C14orf119: variants seen among roughly 807,000 people sequenced by gnomAD.
C14orf119 encodes uncharacterized protein C14orf119.
C14orf119 carries 17 observed loss-of-function variants against 13.5 expected under a neutral mutation model. That is an observed-to-expected ratio of 1.26 (90% CI 0.86 to 1.88). C14orf119 has a LOEUF of 1.88. C14orf119 is among the 40% of genes most tolerant of loss of function. C14orf119 has a pLI of 0.00. For missense variants in C14orf119, 162 were observed against 165.9 expected (o/e 0.98, Z 0.13); for synonymous variants, 61 against 61.9 (o/e 0.99, Z 0.07).
chr14:23,097,155 G>C (rs533692743), intron 1 of C14orf119, among the ~76,000 whole-genome samples: 3 of 129,202 alleles, frequency 2.3e-5, no homozygotes, highest in Non-Finnish European at 3.5e-5. Context: ...CACATTGAAG[G>C]CTCTTTCATC....
intron 1 of C14orf119, among the ~76,000 whole-genome samples, chr14:23,097,241 C>A (rs186767986): frequency 6.6e-6 from 1 of 152,200 alleles, no homozygotes; most frequent in Non-Finnish European, 1.5e-5. Flanking sequence ...ACCAGCTGCA[C>A]GTACTAGATT....
At position 23,100,311 on chromosome 14, in the gene C14orf119, T is replaced by G; in HGVS notation, c.*2230T>G. The G allele has an allele frequency of 2.5e-6, 1 of 400,532 alleles. No individual in the cohort carries two copies. Among genetic ancestry groups the G allele is most frequent in the African/African-American group, 2.1e-5 (1 of 48,326 alleles). The allele number at this position is 400,532 out of a possible 1,614,324, so 24.8% of individuals were successfully genotyped here. A position where few individuals can be genotyped will look rare whatever the true frequency, so the allele number is the denominator to read the frequency against. ...GACTAAGATCCCTATGTCCTAGAGA[T>G]GGGGGAATGTGTTATTGTATGGGAG... On this transcript the variant is annotated 3_prime_UTR_variant, in exon 2 of 2. Transcript: ENST00000319074.
Position 23,098,107 on chromosome 14 carries a change from C to G in C14orf119, c.*26C>G. 1.3e-6 allele frequency: 2 copies of G among 1,598,030 alleles called. No homozygotes were observed. The highest frequency in any genetic ancestry group is 1.7e-6 in the Non-Finnish European group (2 of 1,169,836). On this transcript the variant is annotated 3_prime_UTR_variant, in exon 2 of 2. Transcript: ENST00000319074. The stretch of plus-strand genomic sequence containing the variant: ...TAGGCATTCAGACCAAAGAAGATAA[C>G]CATAGCTGATGGAGCCATGACTCTC...
Position 23,099,616 on chromosome 14 carries a change from G to A in C14orf119, c.*1535G>A, listed in dbSNP as rs1401284917. 2 of 383,736 alleles carry A rather than the reference G, an allele frequency of 5.2e-6. No individual in the cohort carries two copies. The highest frequency in any genetic ancestry group is 4.4e-5 in the African/African-American group (2 of 45,750). 23.8% of individuals were successfully genotyped at this position (383,736 alleles called of 1,614,324 possible). A position where few individuals can be genotyped will look rare whatever the true frequency, so the allele number is the denominator to read the frequency against. On this transcript the variant is annotated 3_prime_UTR_variant, in exon 2 of 2. Transcript: ENST00000319074. ...GGTCTGTTGCCCAGGCTGGAGTGCA[G>A]TGGTGTGATCTTGGCTCACCGTAAT... is the stretch of plus-strand genomic sequence containing the variant.
At position 23,098,535 on chromosome 14, in the gene C14orf119, G is replaced by A. The variant is rs1004235853; in HGVS notation, c.*454G>A. 6 of 181,360 alleles carry A rather than the reference G, an allele frequency of 3.3e-5. No individual in the cohort carries two copies. Among genetic ancestry groups the A allele is most frequent in the African/African-American group, 1.4e-4 (6 of 41,810 alleles). The allele number at this position is 181,360 out of a possible 1,614,324, so 11.2% of individuals were successfully genotyped here. On this transcript the variant is annotated 3_prime_UTR_variant, in exon 2 of 2. Transcript: ENST00000319074. ...TTTACCACTCCTATCAGATTGTAGTGTAATTGTGTGATACGCAAACCATTA... is the reference window on the plus strand; with the variant it reads ...TTTACCACTCCTATCAGATTGTAGTATAATTGTGTGATACGCAAACCATTA...
chr14:23,099,216 T>G lies in C14orf119; in HGVS notation c.*1135T>G. 2.4e-6 allele frequency: 1 copy of G among 413,072 alleles called. No individual in the cohort carries two copies. Among genetic ancestry groups the G allele is most frequent in the Non-Finnish European group, 4.4e-6 (1 of 226,088 alleles). 25.6% of individuals were successfully genotyped at this position (413,072 alleles called of 1,614,324 possible). ...GTAGAAATTAAGTATACACAATAGATTTTCCATCCAGTTGTCTCACAAGAA... is the reference window on the plus strand; with the variant it reads ...GTAGAAATTAAGTATACACAATAGAGTTTCCATCCAGTTGTCTCACAAGAA... On this transcript the variant is annotated 3_prime_UTR_variant, in exon 2 of 2. Transcript: ENST00000319074.
Position 23,095,531 on chromosome 14 carries a change from G to C in C14orf119, c.-90G>C, listed in dbSNP as rs1400811230. 1 of 516,416 alleles carries C rather than the reference G, an allele frequency of 1.9e-6. No individual in the cohort carries two copies. The highest frequency in any genetic ancestry group is 3.8e-5 in the Admixed American group (1 of 26,570). The allele number at this position is 516,416 out of a possible 1,614,324, so 32.0% of individuals were successfully genotyped here. ...TGGGCTGCCGGGCTGGCCCAGCTTA[G>C]GGTTTTCAGGAAATTTGGAAGCTGC... On this transcript the variant is annotated 5_prime_UTR_variant, in exon 1 of 2. Transcript: ENST00000319074.
chr14:23,096,549 T>C (rs1442072664), intron 1 of C14orf119, among the ~76,000 whole-genome samples: 3 of 127,338 alleles, frequency 2.4e-5, no homozygotes, highest in South Asian at 5.1e-4. Flanking sequence ...AAGGCACCAA[T>C]AGATACCATA....
rs538913502 is a variant in C14orf119 at position 23,097,738 on chromosome 14, C to T, written c.80C>T (p.Ser27Phe). The T allele has an allele frequency of 1.9e-6, 3 of 1,613,912 alleles. No homozygotes were observed. The highest frequency in any genetic ancestry group is 3.3e-5 in the Admixed American group (2 of 59,994). Residue 27 changes from serine (S) to phenylalanine (F), a missense_variant, in exon 2 of 2, where the codon TCC (serine) becomes TTC (phenylalanine). Ser to Phe is a radical substitution (Grantham distance 155). Coordinates refer to ENST00000319074, the MANE Select transcript of C14orf119 (RefSeq NM_017924.4). ...LPSVPHNTNPSPPLMSYITSQ... is the reference protein window; with the variant it reads ...LPSVPHNTNPFPPLMSYITSQ... ...TCAGTACCACACAATACTAACCCTT[C>T]CCCTCCTCTGATGTCTTACATCACC...
rs1326793291 is a variant in C14orf119 at position 23,095,514 on chromosome 14, C to T, written c.-107C>T. The stretch of plus-strand genomic sequence containing the variant: ...CCGAGGCCGGAAGTGCGTGGGCTGC[C>T]GGGCTGGCCCAGCTTAGGGTTTTCA... On this transcript the variant is annotated 5_prime_UTR_variant, in exon 1 of 2. Coordinates refer to ENST00000319074, the MANE Select transcript of C14orf119 (RefSeq NM_017924.4). 7.0e-6 allele frequency: 4 copies of T among 569,490 alleles called. No homozygotes were observed. Among genetic ancestry groups the T allele is most frequent in the South Asian group, 2.4e-5 (1 of 42,048 alleles). 35.3% of individuals were successfully genotyped at this position (569,490 alleles called of 1,614,324 possible).
chr14:23,096,883 C>T (rs907983931), intron 1 of C14orf119, among the ~76,000 whole-genome samples: 10 of 152,088 alleles, frequency 6.6e-5, no homozygotes, highest in Admixed American at 1.3e-4. Flanking sequence ...CGCGTCTGGC[C>T]CATACTAAAT....
chr14:23,096,497 A>G (rs2048374655), intron 1 of C14orf119, among the ~76,000 whole-genome samples: 1 of 131,620 alleles, frequency 7.6e-6, no homozygotes, highest in Non-Finnish European at 1.6e-5. Context: ...TGACAGAGCA[A>G]GACTCCGTCT....
In C14orf119 at chr14:23,097,815, C is replaced by T. The variant is rs757471175; in HGVS notation, c.157C>T (p.Gln53Ter). Reference sequence around the variant, plus strand: ...CTGGTTTGCCAATTGGTCAGGTCCCCAGCGTGAACGTTTCCTAGAGGACCT... The same window carrying T: ...CTGGTTTGCCAATTGGTCAGGTCCCTAGCGTGAACGTTTCCTAGAGGACCT... ...LHWFANWSGP[Q>*]RERFLEDLVA... The change falls in exon 2 of 2, where the codon CAG becomes TAG. Residue 53 changes from glutamine (Q) to a stop codon, truncating the protein, a stop_gained. Coordinates refer to ENST00000319074, the MANE Select transcript of C14orf119 (RefSeq NM_017924.4). LOFTEE classifies it high-confidence loss of function. 18 of 1,614,198 alleles carry T rather than the reference C, an allele frequency of 1.1e-5. No individual in the cohort carries two copies. The highest frequency in any genetic ancestry group is 1.5e-5 in the Non-Finnish European group (18 of 1,180,034).
Position 23,097,915 on chromosome 14 carries a change from AC to A in C14orf119, c.259del (p.Arg87AspfsTer63). On this transcript the variant is annotated frameshift_variant, in exon 2 of 2. Coordinates refer to ENST00000319074, the MANE Select transcript of C14orf119 (RefSeq NM_017924.4). LOFTEE classifies it high-confidence loss of function. ...GAGCAGCTTAGTGTGTCTGGGGCAG[AC>A]CGACCACCTTCTATCTTTGAGTGCC... The part of the protein sequence containing the change: ...SLEQLSVSGA[D>X]RPPSIFECQL... The A allele has an allele frequency of 6.2e-7, 1 of 1,614,130 alleles. No homozygotes were observed. The highest frequency in any genetic ancestry group is 8.5e-7 in the Non-Finnish European group (1 of 1,179,976).
Position 23,098,791 on chromosome 14 carries a change from A to G in C14orf119, c.*710A>G, listed in dbSNP as rs879129704. 6.2e-6 allele frequency: 1 copy of G among 162,216 alleles called. No homozygotes were observed. Among genetic ancestry groups the G allele is most frequent in the South Asian group, 2.1e-4 (1 of 4,838 alleles). The allele number at this position is 162,216 out of a possible 1,614,324, so 10.0% of individuals were successfully genotyped here. A position where few individuals can be genotyped will look rare whatever the true frequency, so the allele number is the denominator to read the frequency against. The stretch of plus-strand genomic sequence containing the variant: ...ATCTTTCTGCCTCAGTCTCCTGAGT[A>G]TCTAGGACTACAGGCCCGCACAACA... On this transcript the variant is annotated 3_prime_UTR_variant, in exon 2 of 2. Coordinates refer to ENST00000319074, the MANE Select transcript of C14orf119 (RefSeq NM_017924.4).
chr14:23,097,810 G>A lies in C14orf119; in HGVS notation c.152G>A (p.Gly51Asp), dbSNP rs1398277474. ...CILHWFANWSGPQRERFLEDL... is the reference protein window; with the variant it reads ...CILHWFANWSDPQRERFLEDL... ...CTTCACTGGTTTGCCAATTGGTCAG[G>A]TCCCCAGCGTGAACGTTTCCTAGAG... is the stretch of plus-strand genomic sequence containing the variant. Residue 51 changes from glycine to aspartate, a missense_variant, in exon 2 of 2, where the codon GGT becomes GAT. Coordinates refer to ENST00000319074, the MANE Select transcript of C14orf119 (RefSeq NM_017924.4). 6.2e-7 allele frequency: 1 copy of A among 1,614,028 alleles called. No individual in the cohort carries two copies. The highest frequency in any genetic ancestry group is 1.3e-5 in the African/African-American group (1 of 74,892).
chr14:23,099,731 AG>A lies in C14orf119; in HGVS notation c.*1654del, dbSNP rs2048415563. ...CACGCCGCACCACCACGTCTGGCTA[AG>A]GGGCTTTACCCTTAAAGATAGAGCT... On this transcript the variant is annotated 3_prime_UTR_variant, in exon 2 of 2. Coordinates refer to ENST00000319074, the MANE Select transcript of C14orf119 (RefSeq NM_017924.4). 3.3e-6 allele frequency: 1 copy of A among 299,910 alleles called. No homozygotes were observed. The highest frequency in any genetic ancestry group is 5.2e-5 in the Admixed American group (1 of 19,084). 18.6% of individuals were successfully genotyped at this position (299,910 alleles called of 1,614,324 possible). A position where few individuals can be genotyped will look rare whatever the true frequency, so the allele number is the denominator to read the frequency against.
At chr14:23,095,860 C>G (rs74521162) in intron 1 of C14orf119, among the ~76,000 whole-genome samples, 6,795 of 152,284 alleles carry the variant, frequency 0.045, 193 homozygotes, top group East Asian at 0.13. Flanking sequence ...AGACTATGAA[C>G]TGATCTATGA....
chr14:23,096,603 T>A (rs1046438865), intron 1 of C14orf119, among the ~76,000 whole-genome samples: 1 of 145,408 alleles, frequency 6.9e-6, no homozygotes, highest in African/African-American at 2.6e-5. Context: ...CCACTCTGGG[T>A]CCCTCCACTC....
Sources: allele counts gnomAD v4.1 joint callset (sites outside exome capture counted in the v4.1 genomes callset), GRCh38; gene constraint gnomAD v4.1.1; transcripts MANE v1.5; gene names NCBI Gene and HGNC (gene_info 2026-07-23, HGNC 2026-07-21).